SLF1: variants seen among roughly 807,000 people sequenced by gnomAD.
SLF1 encodes the protein SMC5/6 complex localization factor 1, also known as SMC5-SMC6 complex localization factor protein 1.
Under a neutral mutation model 123.0 loss-of-function variants are expected in SLF1, and 105 were observed. That is an observed-to-expected ratio of 0.85 (90% CI 0.73 to 1.00). SLF1 has a LOEUF of 1.00. Ranked by LOEUF, SLF1 falls within the 50% of genes least tolerant of loss-of-function variation. SLF1 has a pLI of 0.00. For missense variants in SLF1, 1,239 were observed against 1,223.0 expected, an observed-to-expected ratio of 1.01 and a Z score of -0.20; for synonymous variants, 434 against 406.6, an observed-to-expected ratio of 1.07 and a Z score of -0.81.
intron 16 of SLF1, among the ~76,000 whole-genome samples, chr5:94,686,977 CG>C (rs1268929749): frequency 1.3e-5 from 2 of 151,990 alleles, no homozygotes; most frequent in East Asian, 3.9e-4. Flanking sequence ...TTAGTAGAGA[CG>C]GGGTCTCGAT....
chr5:94,685,663 T>C (rs990531797), intron 15 of SLF1, among the ~76,000 whole-genome samples: 2 of 152,248 alleles, frequency 1.3e-5, no homozygotes, highest in South Asian at 4.1e-4. Context: ...TGGTGTTTTC[T>C]TGTTTTTTGT....
intron 14 of SLF1, 39 bp from the exon 15 acceptor site, chr5:94,678,769 G>A (rs1460947647): frequency 6.6e-7 from 1 of 1,515,756 alleles, no homozygotes; most frequent in Admixed American, 1.8e-5. Flanking sequence ...ATTCAATATT[G>A]TAATATATTT....
At chr5:94,677,317 G>C (rs952783399) in intron 14 of SLF1, among the ~76,000 whole-genome samples, 4 of 152,052 alleles carry the variant, frequency 2.6e-5, no homozygotes, top group Non-Finnish European at 5.9e-5. Context: ...TGTCGTCTAG[G>C]CTTGTTGGAT....
Position 94,649,488 on chromosome 5 carries a change from A to C in SLF1, c.629A>C (p.Asn210Thr). 6.6e-7 allele frequency: 1 copy of C among 1,519,840 alleles called. No individual in the cohort carries two copies. The allele number at this position is 1,519,840 out of a possible 1,614,324, so 94.1% of individuals were successfully genotyped here. Residue 210 changes from asparagine (N) to threonine (T), a missense_variant, in exon 6 of 21, where the codon AAT becomes ACT. By Grantham distance (65) the Asn-to-Thr change is moderately conservative. Transcript: ENST00000265140. ...CAGAATGATGAAGATTCCCAAACCA[A>C]TTCTGTTTGGACTGAACATAGCAAT... ...EIQNDEDSQT[N>T]SVWTEHSNEE... is the part of the protein sequence containing the mutation.
chr5:94,643,194 A>C, intron 4 of SLF1, 79 bp from the exon 5 acceptor site: 1 of 1,183,184 alleles, frequency 8.5e-7, no homozygotes, highest in East Asian at 2.7e-5. Context: ...CGTACTCCTA[A>C]GAAATAATTA....
At chr5:94,672,143 G>A (rs1171269668) in intron 14 of SLF1, among the ~76,000 whole-genome samples, 1 of 151,994 alleles carries the variant, frequency 6.6e-6, no homozygotes, top group African/African-American at 2.4e-5. Context: ...TCTGCTTCAT[G>A]TATGCTAATG....
At chr5:94,623,853 TAAATC>T (rs1333670055) in intron 1 of SLF1, among the ~76,000 whole-genome samples, 1 of 152,300 alleles carries the variant, frequency 6.6e-6, no homozygotes, top group East Asian at 1.9e-4. Context: ...ATTTTATAAA[TAAATC>T]AATCAGTATA....
chr5:94,676,298 C>T (rs1456159160), intron 14 of SLF1, among the ~76,000 whole-genome samples: 1 of 152,160 alleles, frequency 6.6e-6, no homozygotes, highest in Non-Finnish European at 1.5e-5. Flanking sequence ...AGTGATCAAG[C>T]AAGATACTGG....
chr5:94,648,635 C>T (rs1345069925), intron 5 of SLF1, among the ~76,000 whole-genome samples: 4 of 152,198 alleles, frequency 2.6e-5, no homozygotes, highest in Non-Finnish European at 5.9e-5. Flanking sequence ...GCATGTGCCA[C>T]CATGGCTGGC....
chr5:94,630,445 GTTTATCA>G, intron 3 of SLF1, 51 bp from the exon 4 acceptor site: 1 of 1,489,004 alleles, frequency 6.7e-7, no homozygotes, highest in Non-Finnish European at 9.0e-7. Flanking sequence ...GATCTTTATT[GTTTATCA>G]TTTATCAGAA....
intron 9 of SLF1, among the ~76,000 whole-genome samples, chr5:94,655,579 C>T (rs1275921014): frequency 1.3e-5 from 2 of 152,104 alleles, no homozygotes; most frequent in Non-Finnish European, 2.9e-5. Context: ...AACTCATAAA[C>T]ATGGAATGTC....
At chr5:94,692,346 CT>C (rs1265933951) in intron 20 of SLF1, 90 bp downstream of exon 20, 8 of 1,290,088 alleles carry the variant, frequency 6.2e-6, no homozygotes, top group Admixed American at 4.6e-5. Flanking sequence ...TGTTTAAAAT[CT>C]GTAAGGAAAG....
chr5:94,684,932 G>A (rs140512142), intron 15 of SLF1, among the ~76,000 whole-genome samples: 2 of 152,284 alleles, frequency 1.3e-5, no homozygotes, highest in East Asian at 3.9e-4. Context: ...TATGTTTTGG[G>A]CTGGATAATT....
At chr5:94,653,012 C>A (rs1470965719) in intron 7 of SLF1, among the ~76,000 whole-genome samples, 1 of 152,160 alleles carries the variant, frequency 6.6e-6, no homozygotes, top group African/African-American at 2.4e-5. Flanking sequence ...CATGTGCCAC[C>A]ACGCCTGGCT....
chr5:94,665,421 T>G (rs1212329828), intron 11 of SLF1, among the ~76,000 whole-genome samples: 1 of 152,096 alleles, frequency 6.6e-6, no homozygotes, highest in African/African-American at 2.4e-5. Context: ...CCATCTGCTC[T>G]CCTTTGTCTA....
intron 1 of SLF1, among the ~76,000 whole-genome samples, chr5:94,625,671 C>T (rs1428002749): frequency 6.6e-6 from 1 of 152,062 alleles, no homozygotes; most frequent in Non-Finnish European, 1.5e-5. Context: ...GCGTGAGCCA[C>T]CATGCCCGGC....
intron 5 of SLF1, among the ~76,000 whole-genome samples, chr5:94,647,169 C>T (rs777916926): frequency 6.6e-6 from 1 of 152,116 alleles, no homozygotes; most frequent in African/African-American, 2.4e-5. Context: ...TTTCCAGTCT[C>T]TTTGTAGGTA....
At position 94,688,615 on chromosome 5, in the gene SLF1, T is replaced by TACTA; in HGVS notation, c.2233_2236dup (p.Met746ThrfsTer7). The TACTA allele has an allele frequency of 6.2e-7, 1 of 1,614,068 alleles. No individual in the cohort carries two copies. On this transcript the variant is annotated frameshift_variant, in exon 17 of 21. Coordinates refer to ENST00000265140, the MANE Select transcript of SLF1 (RefSeq NM_032290.4). LOFTEE classifies it high-confidence loss of function. ...CCTTGTTTTGACTCTCAGAGAACCT[T>TACTA]ACTAATGCTGAATGGTACTAAACAA...
Position 94,670,830 on chromosome 5 carries a change from A to C in SLF1, c.1662-13A>C, listed in dbSNP as rs1456823959. On this transcript the variant is annotated splice_polypyrimidine_tract_variant and intron_variant, in intron 13 of 20. Coordinates refer to ENST00000265140, the MANE Select transcript of SLF1 (RefSeq NM_032290.4). The stretch of plus-strand genomic sequence containing the variant: ...TGGCTTAAAGATATACTTTTTGTTT[A>C]TATTTTAATTAGGTTGTATGACTGG... The C allele has an allele frequency of 6.5e-7, 1 of 1,535,738 alleles. No homozygotes were observed. The highest frequency in any genetic ancestry group is 8.8e-7 in the Non-Finnish European group (1 of 1,137,142).
Sources: allele counts gnomAD v4.1 joint callset (sites outside exome capture counted in the v4.1 genomes callset), GRCh38; gene constraint gnomAD v4.1.1; transcripts MANE v1.5; gene names NCBI Gene and HGNC (gene_info 2026-07-23, HGNC 2026-07-21).